Variants in MGST2 observed in about 807,000 individuals in gnomAD.
MGST2 encodes the protein glutathione peroxidase MGST2.
Under a neutral mutation model 16.6 loss-of-function variants are expected in MGST2, and 9 were observed. The observed-to-expected ratio is 0.54, with a 90% CI of 0.33 to 0.95. The LOEUF (loss-of-function observed/expected upper bound fraction) is 0.95. Among genes scored for constraint, MGST2 ranks in the 40% least tolerant of loss-of-function variants. MGST2 has a pLI of 0.03. For missense variants in MGST2, 159 were observed against 175.1 expected, an observed-to-expected ratio of 0.91 and a Z score of 0.52; for synonymous variants, 79 against 68.0, an observed-to-expected ratio of 1.16 and a Z score of -0.79.
At chr4:139,745,876 G>T in the MGST2 span, among the ~76,000 whole-genome samples, 1 of 152,226 alleles carries the variant, frequency 6.6e-6, no homozygotes, top group Admixed American at 6.5e-5. Context: ...ATGGAGGAAA[G>T]ATGGCAGGCA....
chr4:139,704,988 C>T (rs1272088577), downstream of MGST2, among the ~76,000 whole-genome samples: 1 of 152,116 alleles, frequency 6.6e-6, no homozygotes, highest in Non-Finnish European at 1.5e-5. Context: ...AAAGTGTTTC[C>T]AGGCCAAAAG....
At chr4:139,687,317 A>G (rs770949322) in intron 2 of MGST2, among the ~76,000 whole-genome samples, 3 of 152,208 alleles carry the variant, frequency 2.0e-5, no homozygotes, top group South Asian at 2.1e-4. Context: ...TCCCAGCCCT[A>G]GCCCAATTTT....
chr4:139,673,119 A>G (rs1465777437), intron 1 of MGST2, among the ~76,000 whole-genome samples: 1 of 152,224 alleles, frequency 6.6e-6, no homozygotes, highest in Non-Finnish European at 1.5e-5. Flanking sequence ...AAATATTAGC[A>G]GGTAGGAAAC....
chr4:139,724,261 T>C (rs1728377615), intron 5 of MGST2, among the ~76,000 whole-genome samples: 1 of 152,226 alleles, frequency 6.6e-6, no homozygotes. Flanking sequence ...TGTCAGTAAA[T>C]ATCAATGGCT....
Position 139,704,061 on chromosome 4 carries a change from C to A in MGST2, c.357C>A (p.Thr119=). The A allele has an allele frequency of 6.2e-7, 1 of 1,614,032 alleles. No individual in the cohort carries two copies. The highest frequency in any genetic ancestry group is 8.5e-7 in the Non-Finnish European group (1 of 1,179,986). ...RLSLGILALL[T]LLGALGIANS... ...GTCTGGGGATTTTGGCCTTGTTGACCCTCCTAGGTGCCCTGGGAATTGCAA... is the reference window on the plus strand; with the variant it reads ...GTCTGGGGATTTTGGCCTTGTTGACACTCCTAGGTGCCCTGGGAATTGCAA... The change falls in exon 5 of 5, where the codon ACC becomes ACA. Residue 119 remains threonine (T), a synonymous_variant. Transcript: ENST00000265498.
intron 5 of MGST2, chr4:139,720,051 C>T (rs1579355613): frequency 6.2e-7 from 1 of 1,614,070 alleles, no homozygotes; most frequent in Non-Finnish European, 8.5e-7. Flanking sequence ...GGTCCCTGGG[C>T]TTGGTTATGT....
intron 5 of MGST2, among the ~76,000 whole-genome samples, chr4:139,721,289 G>A (rs1256123955): frequency 6.6e-6 from 1 of 152,142 alleles, no homozygotes; most frequent in Non-Finnish European, 1.5e-5. Context: ...AAACAGCCAA[G>A]GGAATGGAAA....
the MGST2 span, among the ~76,000 whole-genome samples, chr4:139,750,033 A>G: frequency 6.6e-6 from 1 of 152,188 alleles, no homozygotes; most frequent in African/African-American, 2.4e-5. Flanking sequence ...ATTTGATTGT[A>G]CCCTGAAGTG....
chr4:139,683,335 C>A (rs1247572830), intron 2 of MGST2, among the ~76,000 whole-genome samples: 1 of 152,094 alleles, frequency 6.6e-6, no homozygotes, highest in East Asian at 1.9e-4. Flanking sequence ...AAGAATGATT[C>A]TTGGATTATT....
At chr4:139,720,598 A>G (rs1435640416) in intron 5 of MGST2, among the ~76,000 whole-genome samples, 1 of 152,246 alleles carries the variant, frequency 6.6e-6, no homozygotes, top group African/African-American at 2.4e-5. Flanking sequence ...ATTTGTATAT[A>G]AATAGACACC....
intron 5 of MGST2, among the ~76,000 whole-genome samples, chr4:139,724,797 CAG>C (rs1474362793): frequency 7.1e-6 from 1 of 141,224 alleles, no homozygotes; most frequent in Non-Finnish European, 1.5e-5. Context: ...TTTTTTGAGA[CAG>C]AGTCTCGCTC....
At chr4:139,672,817 T>C (rs1381677845) in intron 1 of MGST2, among the ~76,000 whole-genome samples, 4 of 152,082 alleles carry the variant, frequency 2.6e-5, no homozygotes, top group African/African-American at 9.7e-5. Flanking sequence ...TCCCAAAGTG[T>C]TGGGATTACA....
At chr4:139,677,453 T>C (rs1161265412) in intron 1 of MGST2, among the ~76,000 whole-genome samples, 1 of 151,934 alleles carries the variant, frequency 6.6e-6, no homozygotes, top group East Asian at 1.9e-4. Flanking sequence ...TTTTGAGTCC[T>C]TGATAAGCCT....
At chr4:139,719,098 G>A (rs1728114220) in intron 5 of MGST2, 8 of 521,970 alleles carry the variant, frequency 1.5e-5, no homozygotes, top group Non-Finnish European at 2.3e-5. Context: ...TCTCGCAGCC[G>A]GGATCTGCAT....
chr4:139,723,939 C>T (rs1728364236), intron 5 of MGST2, among the ~76,000 whole-genome samples: 1 of 152,218 alleles, frequency 6.6e-6, no homozygotes, highest in Admixed American at 6.5e-5. Context: ...ACAAGCTCCG[C>T]TGGTGCTTTC....
chr4:139,749,169 T>C, the MGST2 span, among the ~76,000 whole-genome samples: 1 of 152,376 alleles, frequency 6.6e-6, no homozygotes, highest in South Asian at 2.1e-4. Context: ...GTACAGTTTC[T>C]ATGTTCACAA....
At chr4:139,701,854 C>A (rs1198475122) in intron 3 of MGST2, among the ~76,000 whole-genome samples, 1 of 151,894 alleles carries the variant, frequency 6.6e-6, no homozygotes, top group Non-Finnish European at 1.5e-5. Flanking sequence ...GTGGTCCCAG[C>A]TACTTAGGAG....
chr4:139,724,459 A>G (rs962307726), intron 5 of MGST2, among the ~76,000 whole-genome samples: 9 of 152,184 alleles, frequency 5.9e-5, no homozygotes, highest in African/African-American at 2.2e-4. Context: ...TAAAAATGCT[A>G]CCTTAGATCA....
chr4:139,753,689 C>T, the MGST2 span, among the ~76,000 whole-genome samples: 1 of 152,170 alleles, frequency 6.6e-6, no homozygotes, highest in African/African-American at 2.4e-5. Context: ...AATAAGTTTA[C>T]AAGGCTACTC....
Sources: gnomAD v4.1 joint callset for allele counts (sites outside exome capture counted in the v4.1 genomes callset) on GRCh38, gnomAD v4.1.1 for gene constraint, MANE v1.5 for transcripts, NCBI Gene and HGNC (gene_info 2026-07-23, HGNC 2026-07-21) for gene names.